DCC: variants seen among roughly 807,000 people sequenced by gnomAD.
The protein encoded by DCC is DCC netrin 1 receptor.
Under a neutral mutation model 172.5 loss-of-function variants are expected in DCC, and 58 were observed. That is an observed-to-expected ratio of 0.34 (90% CI 0.27 to 0.42). The LOEUF (loss-of-function observed/expected upper bound fraction) is 0.42. DCC is among the 10% of genes least tolerant of loss of function. The pLI is 1.00. For missense variants in DCC, 1,740 were observed against 1,791.0 expected (o/e 0.97, Z 0.51); for synonymous variants, 709 against 644.5 (o/e 1.10, Z -1.52).
chr18:52,379,064 A>G (rs932613194), intron 1 of DCC, among the ~76,000 whole-genome samples: 1 of 152,152 alleles, frequency 6.6e-6, no homozygotes, highest in Non-Finnish European at 1.5e-5. Context: ...CTTGTGCCTC[A>G]TTATTAAAGC....
At chr18:52,356,524 C>T (rs1984371077) in intron 1 of DCC, among the ~76,000 whole-genome samples, 1 of 152,078 alleles carries the variant, frequency 6.6e-6, no homozygotes, top group Non-Finnish European at 1.5e-5. Flanking sequence ...TTCTTTGTTC[C>T]AGAGTACACA....
rs181901352 is a variant in DCC at position 52,846,953 on chromosome 18, G to A, written c.413-59091G>A. Among the ~76,000 whole-genome samples, 323 of 152,224 alleles carry A rather than the reference G, an allele frequency of 2.1e-3. 1 individual carries two copies. The highest frequency in any genetic ancestry group is 7.4e-3 in the African/African-American group (306 of 41,536). On this transcript the variant is annotated intron_variant, in intron 2 of 28. Transcript: ENST00000442544. ...TATTTCATGGATTCAGACTCACTGTGCAGTAAGAAGTCAGCCTGCCTGACT... is the reference window on the plus strand; with the variant it reads ...TATTTCATGGATTCAGACTCACTGTACAGTAAGAAGTCAGCCTGCCTGACT...
chr18:52,627,311 G>A (rs776233866), intron 1 of DCC, among the ~76,000 whole-genome samples: 1 of 152,130 alleles, frequency 6.6e-6, no homozygotes, highest in Non-Finnish European at 1.5e-5. Flanking sequence ...GCTGTATTCT[G>A]AGCCCCTATA....
At chr18:53,429,263 G>C (rs866797944) in intron 21 of DCC, among the ~76,000 whole-genome samples, 1 of 146,560 alleles carries the variant, frequency 6.8e-6, no homozygotes, top group East Asian at 2.0e-4. Context: ...TTTAGAAGAT[G>C]GTCTCTGCAA....
At chr18:53,453,276 T>C (rs1004899839) in intron 23 of DCC, among the ~76,000 whole-genome samples, 21 of 152,252 alleles carry the variant, frequency 1.4e-4, no homozygotes, top group Middle Eastern at 3.4e-3. Flanking sequence ...TGCATCACAA[T>C]TGAGCCCTTC....
intron 26 of DCC, among the ~76,000 whole-genome samples, chr18:53,495,963 C>T (rs2046017846): frequency 6.6e-6 from 1 of 152,142 alleles, no homozygotes; most frequent in Non-Finnish European, 1.5e-5. Context: ...CAGTCAGGGA[C>T]TTATAGGTAA....
chr18:52,975,681 G>T (rs1251074748), intron 5 of DCC, among the ~76,000 whole-genome samples: 1 of 152,140 alleles, frequency 6.6e-6, no homozygotes, highest in African/African-American at 2.4e-5. Context: ...TCGTGCAAAG[G>T]ATATGATCTC....
At chr18:52,994,538 T>C (rs889175731) in intron 5 of DCC, among the ~76,000 whole-genome samples, 4 of 152,166 alleles carry the variant, frequency 2.6e-5, no homozygotes, top group African/African-American at 9.7e-5. Flanking sequence ...AGTCAGTGTG[T>C]TATGTAAACA....
At chr18:52,781,246 C>A (rs932016872) in intron 2 of DCC, among the ~76,000 whole-genome samples, 2 of 152,124 alleles carry the variant, frequency 1.3e-5, no homozygotes, top group Non-Finnish European at 2.9e-5. Flanking sequence ...AACTTCCTTG[C>A]AGGCAAAGGA....
intron 1 of DCC, among the ~76,000 whole-genome samples, chr18:52,508,798 A>C (rs552494664): frequency 6.6e-6 from 1 of 152,370 alleles, no homozygotes; most frequent in African/African-American, 2.4e-5. Context: ...AAAGAGATGT[A>C]ACAAGGCAGT....
intron 12 of DCC, among the ~76,000 whole-genome samples, chr18:53,283,833 G>C (rs764804042): frequency 5.3e-4 from 81 of 152,182 alleles, no homozygotes; most frequent in Non-Finnish European, 1.0e-3. Context: ...GTATGACTTT[G>C]TCAATGCTAA....
intron 22 of DCC, among the ~76,000 whole-genome samples, chr18:53,440,672 T>G (rs1391755530): frequency 6.6e-6 from 1 of 152,124 alleles, no homozygotes; most frequent in African/African-American, 2.4e-5. Flanking sequence ...GAAACAAAAT[T>G]TTACAGCTTT....
chr18:52,540,711 A>C (rs571070303), intron 1 of DCC, among the ~76,000 whole-genome samples: 1 of 137,474 alleles, frequency 7.3e-6, no homozygotes, highest in Non-Finnish European at 1.5e-5. Flanking sequence ...GGTTCATGCC[A>C]TTCTCCTGCC....
intron 1 of DCC, among the ~76,000 whole-genome samples, chr18:52,487,217 T>C (rs1440541119): frequency 6.6e-6 from 1 of 152,082 alleles, no homozygotes; most frequent in East Asian, 1.9e-4. Context: ...GTGGCAACAA[T>C]CAATAGTATC....
intron 1 of DCC, among the ~76,000 whole-genome samples, chr18:52,702,285 A>G (rs2036139061): frequency 6.6e-6 from 1 of 151,664 alleles, no homozygotes; most frequent in Non-Finnish European, 1.5e-5. Context: ...TTGTCCACCA[A>G]CCTCCTTGTC....
intron 12 of DCC, 86 bp from the exon 13 acceptor site, chr18:53,305,492 C>T (rs551980531): frequency 8.9e-7 from 1 of 1,123,476 alleles, no homozygotes; most frequent in African/African-American, 1.5e-5. Flanking sequence ...CTGCTTTCTT[C>T]ACACTTACGT....
rs148722770 is a variant in DCC at position 52,878,041 on chromosome 18, G to C, written c.413-28003G>C. On this transcript the variant is annotated intron_variant, in intron 2 of 28. Coordinates refer to ENST00000442544, the MANE Select transcript of DCC (RefSeq NM_005215.4). ...ATAAACTCTCTTCCCCAGCATTCATGATCTTTCACTGGCTTCCTCCTCCCT... is the reference window on the plus strand; with the variant it reads ...ATAAACTCTCTTCCCCAGCATTCATCATCTTTCACTGGCTTCCTCCTCCCT... Among the ~76,000 whole-genome samples, 603 of 152,004 alleles carry C rather than the reference G, an allele frequency of 4.0e-3. 6 individuals are homozygous for C. Among genetic ancestry groups the C allele is most frequent in the South Asian group, 0.011 (51 of 4,806 alleles).
At chr18:52,883,732 AG>A (rs1332290728) in intron 2 of DCC, among the ~76,000 whole-genome samples, 3 of 126,366 alleles carry the variant, frequency 2.4e-5, no homozygotes, top group African/African-American at 8.6e-5. Context: ...TAAGAGTAGT[AG>A]TTTATAGATT....
chr18:52,764,380 C>T (rs1420794921), intron 2 of DCC, among the ~76,000 whole-genome samples: 1 of 152,204 alleles, frequency 6.6e-6, no homozygotes, highest in Non-Finnish European at 1.5e-5. Context: ...GGATATTCAT[C>T]CCCTCCAAAC....
Sources: allele counts gnomAD v4.1 joint callset (sites outside exome capture counted in the v4.1 genomes callset), GRCh38; gene constraint gnomAD v4.1.1; transcripts MANE v1.5; gene names NCBI Gene and HGNC (gene_info 2026-07-23, HGNC 2026-07-21).